KIAA1755: variants seen among roughly 807,000 people sequenced by gnomAD.
KIAA1755 encodes KIAA1755.
A neutral mutation model predicts 91.7 loss-of-function variants in KIAA1755; 68 were observed. That is an observed-to-expected ratio of 0.74 (90% CI 0.61 to 0.91). KIAA1755 has a LOEUF of 0.91. Among genes scored for constraint, KIAA1755 ranks in the 40% least tolerant of loss-of-function variants. The pLI is 0.00. For missense variants in KIAA1755, 1,535 were observed against 1,494.4 expected (o/e 1.03, Z -0.45); for synonymous variants, 610 against 604.6 (o/e 1.01, Z -0.13).
chr20:38,259,707 G>C (rs917129956), intron 1 of KIAA1755, among the ~76,000 whole-genome samples: 1 of 151,638 alleles, frequency 6.6e-6, no homozygotes, highest in African/African-American at 2.4e-5. Flanking sequence ...CTGTGAATCT[G>C]CCTGGGGCTC....
At chr20:38,227,070 C>T (rs1023195166) in intron 7 of KIAA1755, 84 bp downstream of exon 7, 3 of 971,228 alleles carry the variant, frequency 3.1e-6, no homozygotes, top group African/African-American at 3.2e-5. Context: ...CTCATGAATT[C>T]TGCAGTTCTC....
At chr20:38,236,225 G>A (rs1156451674) in intron 4 of KIAA1755, among the ~76,000 whole-genome samples, 2 of 152,154 alleles carry the variant, frequency 1.3e-5, no homozygotes, top group South Asian at 2.1e-4. Flanking sequence ...GTGGGGTGAG[G>A]GGATGTGAAG....
rs147706141 is a variant in KIAA1755, at chr20:38,240,083, T to TTTCC, written c.1550-362_1550-359dup. Among the ~76,000 whole-genome samples, 1,712 of 151,938 alleles carry TTTCC rather than the reference T, an allele frequency of 0.011. 48 individuals carry two copies. In the East Asian group the frequency reaches 0.12, roughly 11 times the overall value. On this transcript the variant is annotated intron_variant, in intron 3 of 13. Coordinates refer to ENST00000279024, the MANE Select transcript of KIAA1755 (RefSeq NM_001029864.2). ...AGCTTTTTTATTTATTCCTTCCTTC[T>TTTCC]TTCCTTCCTTCCTTCCTTCCTTCCG... is the stretch of plus-strand genomic sequence containing the variant.
rs117748230 is a variant in KIAA1755 at position 38,237,801 on chromosome 20, C to T, written c.1747+1727G>A. Among the ~76,000 whole-genome samples, 508 of 128,954 alleles carry T rather than the reference C, an allele frequency of 3.9e-3. 19 individuals are homozygous for T. In the East Asian group the frequency reaches 0.1, roughly 25 times the overall value. 84.6% of individuals were successfully genotyped at this position (128,954 alleles called of 152,430 possible). On this transcript the variant is annotated intron_variant, in intron 4 of 13. Coordinates refer to ENST00000279024, the MANE Select transcript of KIAA1755 (RefSeq NM_001029864.2). Reference sequence around the variant, plus strand: ...AGGGAGCCTTAACATGAAAACCCGGCGGGGAGAAGTTGGTTACGGGGGATG... The same window carrying T: ...AGGGAGCCTTAACATGAAAACCCGGTGGGGAGAAGTTGGTTACGGGGGATG...
chr20:38,251,814 C>T (rs1384716906), intron 1 of KIAA1755, among the ~76,000 whole-genome samples: 1 of 152,156 alleles, frequency 6.6e-6, no homozygotes, highest in South Asian at 2.1e-4. Flanking sequence ...GATCCGCCCT[C>T]CTCGGCCTCC....
chr20:38,218,240 G>C lies in KIAA1755; in HGVS notation c.2679+4C>G, dbSNP rs774705135. Reference sequence around the variant, plus strand: ...GTCCTGCTCCTCTGTTGTCTGGAACGCACTGCAGCCTGGAGGAAGAAGTTC... The same window carrying C: ...GTCCTGCTCCTCTGTTGTCTGGAACCCACTGCAGCCTGGAGGAAGAAGTTC... On this transcript the variant is annotated splice_donor_region_variant and intron_variant, in intron 12 of 13. Transcript: ENST00000279024. 2.5e-6 allele frequency: 4 copies of C among 1,614,106 alleles called. No homozygotes were observed. The highest frequency in any genetic ancestry group is 4.5e-5 in the East Asian group (2 of 44,878).
intron 2 of KIAA1755, 71 bp downstream of exon 2, chr20:38,245,858 C>T (rs1382699442): frequency 5.4e-6 from 8 of 1,471,136 alleles, no homozygotes; most frequent in Non-Finnish European, 6.6e-6. Flanking sequence ...CCACCTCCTT[C>T]TCTGCCCGCC....
At position 38,218,262 on chromosome 20, in the gene KIAA1755, G is replaced by T. The variant is rs1284100482; in HGVS notation, c.2661C>A (p.Asn887Lys). 3.1e-6 allele frequency: 5 copies of T among 1,614,102 alleles called. No homozygotes were observed. Among genetic ancestry groups the T allele is most frequent in the Non-Finnish European group, 4.2e-6 (5 of 1,180,054 alleles). ...TVEKAHAEFE[N>K]FFLQAAAQYR... ...AACGCACTGCAGCCTGGAGGAAGAA[G>T]TTCTCAAATTCTGCGTGGGCTTTCT... The change falls in exon 12 of 14, where the codon AAC (asparagine) becomes AAA (lysine). Residue 887 changes from asparagine (N) to lysine (K), a missense_variant. Physicochemically the swap from Asn to Lys is moderately conservative, Grantham distance 94. Transcript: ENST00000279024.
In KIAA1755 at chr20:38,212,957, G is replaced by T. The variant is rs1007836133; in HGVS notation, c.*85C>A. On this transcript the variant is annotated 3_prime_UTR_variant, in exon 14 of 14. Coordinates refer to ENST00000279024, the MANE Select transcript of KIAA1755 (RefSeq NM_001029864.2). Reference sequence around the variant, plus strand: ...GTGCTCCATGGTGACGTCTCACTGGGACTGACCAGAGCTCCCAGCTACCCC... The same window carrying T: ...GTGCTCCATGGTGACGTCTCACTGGTACTGACCAGAGCTCCCAGCTACCCC... 2 of 1,046,330 alleles carry T rather than the reference G, an allele frequency of 1.9e-6. No homozygotes were observed. The highest frequency in any genetic ancestry group is 1.6e-5 in the African/African-American group (1 of 62,306). The allele number at this position is 1,046,330 out of a possible 1,614,324, so 64.8% of individuals were successfully genotyped here.
chr20:38,223,522 C>A lies in KIAA1755; in HGVS notation c.2268+16G>T. On this transcript the variant is annotated intron_variant, in intron 9 of 13. Coordinates refer to ENST00000279024, the MANE Select transcript of KIAA1755 (RefSeq NM_001029864.2). ...GGTGTGATGTAGCTTCCCCAGTCAC[C>A]ATGCTCCAGGCTCACCTGCATCCCC... 1 of 1,555,742 alleles carries A rather than the reference C, an allele frequency of 6.4e-7. No homozygotes were observed. The highest frequency in any genetic ancestry group is 1.2e-5 in the South Asian group (1 of 82,312).
chr20:38,242,968 C>A (rs1401498299), intron 2 of KIAA1755, among the ~76,000 whole-genome samples: 1 of 152,116 alleles, frequency 6.6e-6, no homozygotes, highest in Admixed American at 6.5e-5. Context: ...TACAGAGGGT[C>A]ATTCTGGAAC....
At chr20:38,228,297 G>T in intron 5 of KIAA1755, 57 bp from the exon 6 acceptor site, 3 of 1,369,246 alleles carry the variant, frequency 2.2e-6, no homozygotes, top group South Asian at 2.9e-5. Flanking sequence ...CAGGGGGCAG[G>T]ACCTAGTGGA....
chr20:38,250,832 T>C (rs899927710), intron 1 of KIAA1755, among the ~76,000 whole-genome samples: 1 of 151,786 alleles, frequency 6.6e-6, no homozygotes, highest in Non-Finnish European at 1.5e-5. Context: ...GGTGGGGATA[T>C]GTGGGGGCGG....
Position 38,244,136 on chromosome 20 carries a change from A to T in KIAA1755, c.201+1793T>A, listed in dbSNP as rs528790255. ...TACAAGGAAAAATAAAGACGCGGAAATGTTGTTACCTTGAGGAAGCGGCCA... is the reference window on the plus strand; with the variant it reads ...TACAAGGAAAAATAAAGACGCGGAATTGTTGTTACCTTGAGGAAGCGGCCA... On this transcript the variant is annotated intron_variant, in intron 2 of 13. Transcript: ENST00000279024. Among the ~76,000 whole-genome samples, 8 of 152,350 alleles carry T rather than the reference A, an allele frequency of 5.3e-5. No homozygotes were observed. The East Asian group carries it at 1.5e-3, about 29-fold the overall frequency.
intron 4 of KIAA1755, among the ~76,000 whole-genome samples, chr20:38,239,169 C>T (rs1255465243): frequency 3.9e-5 from 6 of 152,198 alleles, no homozygotes. Context: ...TGGCTCCTTC[C>T]CCTGCCTTGA....
At chr20:38,213,800 G>T in intron 13 of KIAA1755, 57 bp from the exon 14 acceptor site, 2 of 1,270,174 alleles carry the variant, frequency 1.6e-6, no homozygotes, top group South Asian at 1.6e-5. Context: ...GACCATGGAG[G>T]ACTGAATTAA....
intron 1 of KIAA1755, among the ~76,000 whole-genome samples, chr20:38,250,611 G>A (rs2038941750): frequency 6.6e-6 from 1 of 151,886 alleles, no homozygotes; most frequent in Non-Finnish European, 1.5e-5. Flanking sequence ...TATGGAGACA[G>A]AGGGAGGAGG....
intron 9 of KIAA1755, 139 bp downstream of exon 9, chr20:38,223,399 C>T: frequency 1.6e-6 from 1 of 614,352 alleles, no homozygotes; most frequent in Non-Finnish European, 2.6e-6. Flanking sequence ...GGGTGCCCCT[C>T]AAATATGAGT....
intron 1 of KIAA1755, among the ~76,000 whole-genome samples, chr20:38,249,212 C>T (rs1015805537): frequency 6.6e-6 from 1 of 152,152 alleles, no homozygotes; most frequent in African/African-American, 2.4e-5. Context: ...ACAAGTTGGA[C>T]TAGGCCAGAG....
Sources: gnomAD v4.1 joint callset for allele counts (sites outside exome capture counted in the v4.1 genomes callset) on GRCh38, gnomAD v4.1.1 for gene constraint, MANE v1.5 for transcripts, NCBI Gene and HGNC (gene_info 2026-07-23, HGNC 2026-07-21) for gene names.